Variants in CLCN5 observed in about 807,000 individuals in gnomAD.
CLCN5 encodes H(+)/Cl(-) exchange transporter 5.
CLCN5 carries 17 observed loss-of-function variants against 54.0 expected under a neutral mutation model. The observed-to-expected ratio is 0.31, with a 90% CI of 0.22 to 0.47. The LOEUF (loss-of-function observed/expected upper bound fraction) is 0.47. Ranked by LOEUF, CLCN5 falls within the 20% of genes least tolerant of loss-of-function variation. The pLI, the probability that CLCN5 is intolerant of heterozygous loss-of-function variation, is 1.00. For missense variants in CLCN5, 448 were observed against 646.7 expected (o/e 0.69, Z 3.33); for synonymous variants, 222 against 233.0 (o/e 0.95, Z 0.43).
chrX:49,966,612 A>ATTTTTTT (rs1183495910), intron 3 of CLCN5, among the ~76,000 whole-genome samples: 1 of 19,090 alleles, frequency 5.2e-5, no homozygotes, highest in Admixed American at 7.5e-4. Context: ...TTTTTTTTTT[A>ATTTTTTT]TTTTTTTATT....
At chrX:49,976,278 T>A (rs1203230255) in intron 3 of CLCN5, among the ~76,000 whole-genome samples, 1 of 112,203 alleles carries the variant, frequency 8.9e-6, no homozygotes, top group Non-Finnish European at 1.9e-5. Flanking sequence ...ATGATGCAGG[T>A]TAAAGTTTGA....
intron 3 of CLCN5, among the ~76,000 whole-genome samples, chrX:49,929,938 A>G (rs1925557031): frequency 9.0e-6 from 1 of 111,208 alleles, no homozygotes; most frequent in Non-Finnish European, 1.9e-5. Flanking sequence ...AAAATTTAAA[A>G]TTTCTGCACA....
chrX:49,986,060 G>A (rs781820662), intron 3 of CLCN5, among the ~76,000 whole-genome samples: 1 of 111,574 alleles, frequency 9.0e-6, no homozygotes, highest in South Asian at 3.7e-4. Flanking sequence ...AGTGCTGTGT[G>A]CAACACTTTC....
intron 3 of CLCN5, among the ~76,000 whole-genome samples, chrX:49,970,843 T>C (rs1468626032): frequency 1.8e-5 from 2 of 111,634 alleles, no homozygotes; most frequent in African/African-American, 6.5e-5. Flanking sequence ...CCAAACTGCT[T>C]TCTAAAGCAG....
intron 3 of CLCN5, among the ~76,000 whole-genome samples, chrX:49,931,155 G>A (rs957871563): frequency 9.0e-6 from 1 of 111,392 alleles, no homozygotes; most frequent in Non-Finnish European, 1.9e-5. Flanking sequence ...TGAGAAAGCC[G>A]AGCAGTTGTT....
At chrX:49,932,596 A>G (rs782570341) in intron 3 of CLCN5, among the ~76,000 whole-genome samples, 3 of 111,433 alleles carry the variant, frequency 2.7e-5, no homozygotes, top group African/African-American at 9.8e-5. Context: ...AGAAGAAACC[A>G]GGCCCCTGAG....
chrX:50,046,089 G>C lies in CLCN5; in HGVS notation c.163+3627G>C, dbSNP rs1380485297. Among the ~76,000 whole-genome samples, 3 of 112,342 alleles carry C rather than the reference G, an allele frequency of 2.7e-5. No homozygotes were observed. The East Asian group carries it at 8.4e-4, about 32-fold the overall frequency. ...GCATGGCATGGTTAAATGCATCTGA[G>C]GTAGTGTTATAGTAGTTTGTAAATT... is the stretch of plus-strand genomic sequence containing the variant. On this transcript the variant is annotated intron_variant, in intron 4 of 14. Transcript: ENST00000376091.
chrX:49,993,953 A>G (rs1401503532), intron 3 of CLCN5, among the ~76,000 whole-genome samples: 1 of 112,038 alleles, frequency 8.9e-6, no homozygotes, highest in Non-Finnish European at 1.9e-5. Flanking sequence ...AGGCCAGGAC[A>G]TCAGTGAGAA....
intron 4 of CLCN5, among the ~76,000 whole-genome samples, chrX:50,043,141 C>A (rs59550494): frequency 9.0e-6 from 1 of 111,686 alleles, no homozygotes; most frequent in Non-Finnish European, 1.9e-5. Flanking sequence ...ATGTTGAAAT[C>A]GTTTCCTCTT....
intron 3 of CLCN5, among the ~76,000 whole-genome samples, chrX:49,979,728 A>G (rs1171403138): frequency 1.8e-5 from 2 of 111,534 alleles, no homozygotes; most frequent in East Asian, 2.8e-4. Context: ...GCTAACTAAC[A>G]TATGTATCAC....
In CLCN5 at chrX:50,095,337, C is replaced by G. The variant is rs782428091; in HGVS notation, c.*3118C>G. 1.8e-5 allele frequency: 2 copies of G among 112,435 alleles called. No homozygotes were observed. The highest frequency in any genetic ancestry group is 7.4e-4 in the South Asian group (2 of 2,703). 9.3% of individuals were successfully genotyped at this position (112,435 alleles called of 1,213,427 possible). ...TATATTGGAGGGAAAAAGCAGGGGA[C>G]TGATAATACAAAATAATGGCAACTT... On this transcript the variant is annotated 3_prime_UTR_variant, in exon 15 of 15. Coordinates refer to ENST00000376091, the MANE Select transcript of CLCN5 (RefSeq NM_001127898.4).
intron 3 of CLCN5, among the ~76,000 whole-genome samples, chrX:49,949,544 G>T (rs965627192): frequency 9.0e-6 from 1 of 111,142 alleles, no homozygotes; most frequent in East Asian, 2.8e-4. Context: ...TAGGTGTTCT[G>T]GTTATTTGAC....
intron 4 of CLCN5, chrX:50,067,888 C>A: frequency 5.5e-6 from 1 of 181,375 alleles, no homozygotes; most frequent in Non-Finnish European, 8.6e-6. Flanking sequence ...CTGACAATTG[C>A]GTTTCTAAGG....
chrX:50,025,752 C>A (rs782283252), intron 3 of CLCN5, among the ~76,000 whole-genome samples: 1 of 110,764 alleles, frequency 9.0e-6, no homozygotes, highest in South Asian at 3.9e-4. Flanking sequence ...TTCTCTGGCT[C>A]CCACCACCGG....
intron 3 of CLCN5, among the ~76,000 whole-genome samples, chrX:50,001,508 C>T (rs891543101): frequency 9.2e-6 from 1 of 109,241 alleles, no homozygotes; most frequent in Admixed American, 9.7e-5. Flanking sequence ...GGTACATGTG[C>T]ACAACATGCA....
At position 50,097,133 on chromosome X, in the gene CLCN5, G is replaced by A; in HGVS notation, c.*4914G>A. 1 of 112,407 alleles carries A rather than the reference G, an allele frequency of 8.9e-6. No individual in the cohort carries two copies. The allele number at this position is 112,407 out of a possible 1,213,427, so 9.3% of individuals were successfully genotyped here. A position where few individuals can be genotyped will look rare whatever the true frequency, so the allele number is the denominator to read the frequency against. ...TCAATCAGTGTAGTTGTCCTGGGGT[G>A]ATCGCTGACTCTGCTCTGTTTCATA... On this transcript the variant is annotated 3_prime_UTR_variant, in exon 15 of 15. Transcript: ENST00000376091.
chrX:49,991,534 G>T (rs1336140577), intron 3 of CLCN5, among the ~76,000 whole-genome samples: 2 of 111,977 alleles, frequency 1.8e-5, no homozygotes, highest in African/African-American at 3.3e-5. Flanking sequence ...CTTTTGCTGT[G>T]CAGAAGCTTT....
At position 50,090,891 on chromosome X, in the gene CLCN5, G is replaced by GA; in HGVS notation, c.2360+7dup. On this transcript the variant is annotated splice_donor_region_variant and intron_variant, in intron 14 of 14. Coordinates refer to ENST00000376091, the MANE Select transcript of CLCN5 (RefSeq NM_001127898.4). ...GTGCCTGGTTACACACAACGGGTAA[G>GA]AAGTCTTGAGTGAAGTCAAATTGAA... 8.4e-7 allele frequency: 1 copy of GA among 1,184,351 alleles called. No homozygotes were observed. Among genetic ancestry groups the GA allele is most frequent in the Non-Finnish European group, 1.1e-6 (1 of 870,843 alleles).
intron 3 of CLCN5, among the ~76,000 whole-genome samples, chrX:50,012,478 A>G (rs879959992): frequency 1.8e-5 from 2 of 112,385 alleles, no homozygotes; most frequent in Admixed American, 1.9e-4. Context: ...TTTTGTACAT[A>G]CACACAAACA....
Sources: allele counts gnomAD v4.1 joint callset (sites outside exome capture counted in the v4.1 genomes callset), GRCh38; gene constraint gnomAD v4.1.1; transcripts MANE v1.5; gene names NCBI Gene and HGNC (gene_info 2026-07-23, HGNC 2026-07-21).